The following RARB variants were observed in gnomAD, a reference collection of about 807,000 sequenced individuals.
RARB encodes the protein HBV-activated protein.
RARB carries 17 observed loss-of-function variants against 51.9 expected under a neutral mutation model. That is an observed-to-expected ratio of 0.33 (90% confidence interval 0.22 to 0.49). The LOEUF (loss-of-function observed/expected upper bound fraction) is 0.49, where lower values mean the gene tolerates loss of function less well. Ranked by LOEUF, RARB falls within the 20% of genes least tolerant of loss-of-function variation. The probability of loss-of-function intolerance (pLI) is 0.99; values close to 1 mark genes in which losing one functional copy is unlikely to be tolerated. For missense variants in RARB, 369 were observed against 550.8 expected (o/e 0.67, Z 3.30); for synonymous variants, 215 against 195.4 (o/e 1.10, Z -0.84).
intron 5 of RARB, among the ~76,000 whole-genome samples, chr3:25,245,469 T>G (rs183697801): frequency 3.2e-4 from 48 of 152,326 alleles, no homozygotes; most frequent in African/African-American, 1.1e-3. Flanking sequence ...ATTTAGTGTT[T>G]CCTTAAGGAG....
intron 5 of RARB, among the ~76,000 whole-genome samples, chr3:25,239,788 T>C (rs1702387532): frequency 6.6e-6 from 1 of 152,166 alleles, no homozygotes; most frequent in Non-Finnish European, 1.5e-5. Flanking sequence ...ATTCAGGCTC[T>C]TTTTTGGTTC....
intron 3 of RARB, among the ~76,000 whole-genome samples, chr3:25,540,808 A>G (rs948539254): frequency 2.6e-5 from 4 of 152,172 alleles, no homozygotes; most frequent in Admixed American, 6.5e-5. Flanking sequence ...AATAATAGAA[A>G]AGATTAAAGA....
chr3:25,263,368 C>T (rs1327392983), intron 5 of RARB, among the ~76,000 whole-genome samples: 7 of 152,092 alleles, frequency 4.6e-5, no homozygotes, highest in Non-Finnish European at 1.0e-4. Flanking sequence ...AAATAACTTG[C>T]CTAGTGTCAG....
chr3:25,058,313 T>C (rs554804019), intron 2 of RARB, among the ~76,000 whole-genome samples: 20 of 151,886 alleles, frequency 1.3e-4, no homozygotes, highest in Non-Finnish European at 2.9e-4. Context: ...TGTGGTTGGG[T>C]TGTATAAACT....
chr3:24,880,730 A>AG lies in RARB; in HGVS notation c.-380+21981dup, dbSNP rs1703142425. Among the ~76,000 whole-genome samples the AG allele has an allele frequency of 2.6e-5, 4 of 152,216 alleles. No individual in the cohort carries two copies. In the South Asian group the frequency reaches 8.3e-4, roughly 31 times the overall value. On this transcript the variant is annotated intron_variant, in intron 2 of 11. Transcript: ENST00000383772. ...ATGCACAAGCAGATATGAAAATCCA[A>AG]GGGTGTTCCATCATACCAGACACTA...
intron 2 of RARB, among the ~76,000 whole-genome samples, chr3:24,991,174 C>G (rs1696901568): frequency 6.6e-6 from 1 of 152,222 alleles, no homozygotes; most frequent in African/African-American, 2.4e-5. Flanking sequence ...GGCACGGTGA[C>G]TCACGCCTGT....
chr3:25,228,225 T>TTG (rs1702099863), intron 5 of RARB, among the ~76,000 whole-genome samples: 3 of 126,588 alleles, frequency 2.4e-5, no homozygotes, highest in Non-Finnish European at 3.9e-5. Context: ...GGGTTTTTTT[T>TTG]TTTTTTTTTT....
At chr3:25,368,798 C>G (rs955052320) in intron 5 of RARB, among the ~76,000 whole-genome samples, 1 of 152,192 alleles carries the variant, frequency 6.6e-6, no homozygotes, top group African/African-American at 2.4e-5. Flanking sequence ...CATTGCTCCT[C>G]TTACTTTAGC....
chr3:24,882,023 C>G (rs528899438), intron 2 of RARB, among the ~76,000 whole-genome samples: 1 of 151,898 alleles, frequency 6.6e-6, no homozygotes, highest in African/African-American at 2.4e-5. Context: ...ATTGCCATAA[C>G]AATGAAAAAT....
At chr3:25,078,700 T>A (rs547904511) in intron 3 of RARB, among the ~76,000 whole-genome samples, 1 of 152,168 alleles carries the variant, frequency 6.6e-6, no homozygotes, top group Admixed American at 6.5e-5. Context: ...CTTGACTAAT[T>A]TTGTATTTTT....
At chr3:25,302,094 C>G (rs911175815) in intron 5 of RARB, among the ~76,000 whole-genome samples, 2 of 152,178 alleles carry the variant, frequency 1.3e-5, no homozygotes, top group Non-Finnish European at 2.9e-5. Context: ...TTTATACTCA[C>G]TACCATGACT....
rs71057692 is a variant in RARB, at chr3:24,958,255, GTTTTTTTTTTTTTTTTT to G, written c.-380+99521_-380+99537del. 2.2e-4 allele frequency among the ~76,000 whole-genome samples: 15 copies of G among 69,468 alleles called. No homozygotes were observed. In the South Asian group the frequency reaches 4.5e-3, roughly 21 times the overall value. 45.6% of individuals were successfully genotyped at this position (69,468 alleles called of 152,430 possible). ...ACCTGAAGCTTCCTGAGCTGCTCAG[GTTTTTTTTTTTTTTTTT>G]TTTTTTTTTTTTTTTTTAGCTGTCA... On this transcript the variant is annotated intron_variant, in intron 2 of 11. Coordinates refer to the RARB transcript ENST00000383772.
intron 2 of RARB, among the ~76,000 whole-genome samples, chr3:25,474,053 A>G (rs953423573): frequency 3.9e-5 from 6 of 152,164 alleles, no homozygotes; most frequent in African/African-American, 1.4e-4. Context: ...GGAGAATACC[A>G]TAGTTTTATA....
At chr3:24,927,411 C>T (rs887557111) in intron 2 of RARB, among the ~76,000 whole-genome samples, 2 of 151,982 alleles carry the variant, frequency 1.3e-5, no homozygotes, top group Non-Finnish European at 2.9e-5. Context: ...GTAAGGCAAT[C>T]CTGTAACTCA....
chr3:25,237,687 A>G (rs779426498), intron 5 of RARB, among the ~76,000 whole-genome samples: 1 of 152,114 alleles, frequency 6.6e-6, no homozygotes, highest in Non-Finnish European at 1.5e-5. Context: ...ATTCCAGAAC[A>G]TGTTATATCA....
intron 2 of RARB, among the ~76,000 whole-genome samples, chr3:25,056,636 A>T (rs1427296794): frequency 6.6e-6 from 1 of 152,104 alleles, no homozygotes; most frequent in Non-Finnish European, 1.5e-5. Flanking sequence ...TCTTTAGTAT[A>T]TACCCAATAG....
chr3:25,008,325 C>T (rs1205675615), intron 2 of RARB, among the ~76,000 whole-genome samples: 11 of 152,084 alleles, frequency 7.2e-5, no homozygotes, highest in Admixed American at 5.9e-4. Flanking sequence ...TTACCCATTT[C>T]CTCTTGTATA....
chr3:25,438,986 G>A (rs1004425148), intron 1 of RARB, among the ~76,000 whole-genome samples: 3 of 152,092 alleles, frequency 2.0e-5, no homozygotes, highest in Admixed American at 6.5e-5. Context: ...TGAAGTCTAC[G>A]CTGGCCTAGT....
intron 3 of RARB, among the ~76,000 whole-genome samples, chr3:25,090,825 A>C (rs1436444307): frequency 6.6e-6 from 1 of 152,160 alleles, no homozygotes; most frequent in Non-Finnish European, 1.5e-5. Context: ...GGTGTATCAC[A>C]ACAACCGTCT....
Sources: gnomAD v4.1 joint callset for allele counts (sites outside exome capture counted in the v4.1 genomes callset) on GRCh38, gnomAD v4.1.1 for gene constraint, MANE v1.5 for transcripts, NCBI Gene and HGNC (gene_info 2026-07-23, HGNC 2026-07-21) for gene names.